The following SMIM36 variants were observed in gnomAD, a reference collection of about 807,000 sequenced individuals.
SMIM36 encodes the protein small integral membrane protein 36.
the SMIM36 span, among the ~76,000 whole-genome samples, chr17:55,525,418 A>G: frequency 6.6e-6 from 1 of 152,148 alleles, no homozygotes; most frequent in Non-Finnish European, 1.5e-5. Flanking sequence ...TACCTCCCCC[A>G]TAACATTTTA....
intron 3 of SMIM36, 39 bp from the exon 4 acceptor site, chr17:55,467,367 T>TA (rs1488006603): frequency 6.6e-6 from 1 of 152,234 alleles, no homozygotes; most frequent in Non-Finnish European, 1.5e-5. Flanking sequence ...TCAAAGCGTG[T>TA]TGGAGCCTTA....
At chr17:55,509,479 G>A (rs963715628) in intron 1 of SMIM36, among the ~76,000 whole-genome samples, 1 of 152,072 alleles carries the variant, frequency 6.6e-6, no homozygotes, top group South Asian at 2.1e-4. Flanking sequence ...AACATTATTC[G>A]AATATTTCTT....
chr17:55,478,142 C>T (rs1223823892), intron 3 of SMIM36, among the ~76,000 whole-genome samples: 2 of 151,762 alleles, frequency 1.3e-5, no homozygotes, highest in Admixed American at 1.3e-4. Context: ...GAGACTGCAC[C>T]ATTGCATTCC....
intron 1 of SMIM36, among the ~76,000 whole-genome samples, chr17:55,498,343 G>A (rs760305141): frequency 1.3e-5 from 2 of 152,054 alleles, no homozygotes; most frequent in Non-Finnish European, 2.9e-5. Flanking sequence ...CAGACACTAC[G>A]TTTTCTTTCC....
At chr17:55,459,877 A>G (rs1304658456) in intron 4 of SMIM36, among the ~76,000 whole-genome samples, 3 of 152,156 alleles carry the variant, frequency 2.0e-5, no homozygotes, top group East Asian at 1.9e-4. Flanking sequence ...TGTGCCTATA[A>G]TCCCAGCGAC....
chr17:55,509,834 T>C (rs1030692600), intron 1 of SMIM36, among the ~76,000 whole-genome samples: 3 of 152,064 alleles, frequency 2.0e-5, no homozygotes, highest in Non-Finnish European at 4.4e-5. Flanking sequence ...AAACATACCA[T>C]TCAACATCAA....
At chr17:55,501,320 T>G (rs563261455) in intron 1 of SMIM36, among the ~76,000 whole-genome samples, 2 of 71,642 alleles carry the variant, frequency 2.8e-5, no homozygotes, top group African/African-American at 9.8e-5. Context: ...ATATATTATA[T>G]TTTATAATAT....
chr17:55,456,537 C>A (rs1909027097), intron 4 of SMIM36, among the ~76,000 whole-genome samples: 1 of 152,172 alleles, frequency 6.6e-6, no homozygotes, highest in South Asian at 2.1e-4. Context: ...TTTCTTAAGG[C>A]CACAGATGCC....
chr17:55,469,545 T>C (rs11651780), intron 3 of SMIM36, among the ~76,000 whole-genome samples: 111,027 of 152,088 alleles, frequency 0.73, 41,185 homozygotes, highest in Middle Eastern at 0.82. Context: ...TTCCAGCTTT[T>C]GAACCCCACA....
chr17:55,470,690 C>T (rs907340548), intron 3 of SMIM36, among the ~76,000 whole-genome samples: 13 of 152,136 alleles, frequency 8.5e-5, no homozygotes, highest in African/African-American at 3.1e-4. Flanking sequence ...CAGTTCAAAG[C>T]CTATTTTGCA....
At chr17:55,530,782 C>CA in the SMIM36 span, among the ~76,000 whole-genome samples, 16,572 of 149,742 alleles carry the variant, frequency 0.11, 2,648 homozygotes, top group African/African-American at 0.36. Context: ...GACTCCGCCT[C>CA]AAAAAAAAAT....
the SMIM36 span, among the ~76,000 whole-genome samples, chr17:55,525,223 T>C: frequency 6.6e-6 from 1 of 152,228 alleles, no homozygotes; most frequent in Admixed American, 6.5e-5. Flanking sequence ...CTTTTCAGCT[T>C]TATTTTCATT....
At chr17:55,465,490 C>T (rs1046506039) in intron 4 of SMIM36, among the ~76,000 whole-genome samples, 12 of 152,068 alleles carry the variant, frequency 7.9e-5, no homozygotes, top group African/African-American at 2.4e-4. Flanking sequence ...GATATTATGT[C>T]TATCTTTAGA....
At chr17:55,482,516 G>A (rs1314171682) in intron 1 of SMIM36, among the ~76,000 whole-genome samples, 5 of 152,060 alleles carry the variant, frequency 3.3e-5, no homozygotes, top group Non-Finnish European at 5.9e-5. Context: ...TTTTAATTAT[G>A]GTTTCTTCCT....
intron 4 of SMIM36, among the ~76,000 whole-genome samples, chr17:55,450,561 G>A (rs941236358): frequency 4.6e-5 from 7 of 152,198 alleles, no homozygotes; most frequent in Non-Finnish European, 1.0e-4. Flanking sequence ...AGAGAACATG[G>A]TGGAGGCTCA....
At position 55,471,703 on chromosome 17, in the gene SMIM36, A is replaced by G. The variant is rs77429654; in HGVS notation, c.*348-4375T>C. Among the ~76,000 whole-genome samples the G allele has an allele frequency of 6.2e-3, 950 of 152,304 alleles. 6 individuals are homozygous for G. Among genetic ancestry groups the G allele is most frequent in the Non-Finnish European group, 0.011 (740 of 68,018 alleles). ...AAAAGGCCCTGGAGACAGTTCCTAC[A>G]CTAGGACTCCTTGACTCATCCCATC... On this transcript the variant is annotated intron_variant, in intron 3 of 4. Transcript: ENST00000636752.
upstream of SMIM36, among the ~76,000 whole-genome samples, chr17:55,515,341 C>G (rs951010194): frequency 2.0e-5 from 3 of 152,104 alleles, no homozygotes; most frequent in East Asian, 1.9e-4. Flanking sequence ...CACTTGGGAG[C>G]CTCACCTGGC....
chr17:55,476,424 T>G (rs1909427109), intron 3 of SMIM36, among the ~76,000 whole-genome samples: 2 of 152,134 alleles, frequency 1.3e-5, no homozygotes. Flanking sequence ...TGCTGACTCC[T>G]TTTTTGGACT....
intron 4 of SMIM36, among the ~76,000 whole-genome samples, chr17:55,452,124 A>G (rs79088662): frequency 0.031 from 1,658 of 52,986 alleles, 22 homozygotes; most frequent in African/African-American, 0.075. Flanking sequence ...AAAAAAAAAA[A>G]GGAAACACTT....
Sources: allele counts gnomAD v4.1 joint callset (sites outside exome capture counted in the v4.1 genomes callset), GRCh38; gene constraint gnomAD v4.1.1; transcripts MANE v1.5; gene names NCBI Gene and HGNC (gene_info 2026-07-23, HGNC 2026-07-21).